The following ENTREP2 variants were observed in gnomAD, a reference collection of about 807,000 sequenced individuals.
ENTREP2 encodes the protein protein ENTREP2.
the ENTREP2 span, among the ~76,000 whole-genome samples, chr15:29,357,954 C>T: frequency 2.0e-5 from 3 of 151,926 alleles, no homozygotes; most frequent in East Asian, 5.8e-4. Flanking sequence ...GCAAACCTCT[C>T]AAGGCATGCC....
At chr15:29,349,768 C>T in the ENTREP2 span, among the ~76,000 whole-genome samples, 2 of 152,058 alleles carry the variant, frequency 1.3e-5, no homozygotes, top group Non-Finnish European at 2.9e-5. Context: ...CGTGGAGGCG[C>T]GTACCTGTAG....
chr15:29,222,535 T>A, the ENTREP2 span, among the ~76,000 whole-genome samples: 1 of 152,204 alleles, frequency 6.6e-6, no homozygotes, highest in Non-Finnish European at 1.5e-5. Context: ...TCGGTAACAC[T>A]GTCACCCTCC....
chr15:29,402,381 T>C, the ENTREP2 span, among the ~76,000 whole-genome samples: 1 of 151,742 alleles, frequency 6.6e-6, no homozygotes, highest in African/African-American at 2.4e-5. Context: ...AGTGGCATGA[T>C]CACAGCTCAC....
At chr15:29,666,185 T>C in the ENTREP2 span, among the ~76,000 whole-genome samples, 1,256 of 152,142 alleles carry the variant, frequency 8.3e-3, 11 homozygotes, top group Middle Eastern at 0.017. Flanking sequence ...AAAAAAATTA[T>C]TTATACACTT....
At chr15:29,660,227 C>A in the ENTREP2 span, among the ~76,000 whole-genome samples, 26 of 151,482 alleles carry the variant, frequency 1.7e-4, no homozygotes, top group Non-Finnish European at 2.1e-4. Context: ...TCAAATGTGC[C>A]CCCTCCAAAA....
chr15:29,157,714 A>T, the ENTREP2 span, among the ~76,000 whole-genome samples: 1 of 148,010 alleles, frequency 6.8e-6, no homozygotes, highest in African/African-American at 2.5e-5. Context: ...TCAAAGTTAT[A>T]ACTAAAATAG....
the ENTREP2 span, among the ~76,000 whole-genome samples, chr15:29,531,901 G>A: frequency 6.6e-6 from 1 of 152,156 alleles, no homozygotes; most frequent in African/African-American, 2.4e-5. Context: ...CCTGACCTCA[G>A]GTGATCCACC....
the ENTREP2 span, among the ~76,000 whole-genome samples, chr15:29,294,444 G>C: frequency 6.6e-6 from 1 of 152,324 alleles, no homozygotes; most frequent in Non-Finnish European, 1.5e-5. Context: ...TCAGCAGTGG[G>C]ATGAGTAGGG....
the ENTREP2 span, chr15:29,234,541 A>G: frequency 1.4e-6 from 2 of 1,386,202 alleles, no homozygotes; most frequent in Non-Finnish European, 2.1e-6. Flanking sequence ...TTGGTGGGCA[A>G]ATAGCAACAG....
At chr15:29,657,532 TTC>T in the ENTREP2 span, among the ~76,000 whole-genome samples, 1 of 140,262 alleles carries the variant, frequency 7.1e-6, no homozygotes, top group Non-Finnish European at 1.5e-5. Flanking sequence ...CCCACCCATA[TTC>T]TGTTTCTGTC....
the ENTREP2 span, among the ~76,000 whole-genome samples, chr15:29,455,802 C>T: frequency 6.6e-6 from 1 of 152,178 alleles, no homozygotes; most frequent in Non-Finnish European, 1.5e-5. Context: ...AGCTTTGCCT[C>T]CTGTCAGATC....
chr15:29,230,963 TG>T, the ENTREP2 span, among the ~76,000 whole-genome samples: 6 of 152,066 alleles, frequency 3.9e-5, no homozygotes, highest in South Asian at 1.2e-3. Flanking sequence ...ATAGCCTGAG[TG>T]GATGTGAGAA....
At chr15:29,425,715 TTTG>T in the ENTREP2 span, among the ~76,000 whole-genome samples, 1 of 152,120 alleles carries the variant, frequency 6.6e-6, no homozygotes, top group Non-Finnish European at 1.5e-5. Context: ...TTTCTAATGA[TTTG>T]GAAATTATAT....
chr15:29,226,207 T>C, the ENTREP2 span, among the ~76,000 whole-genome samples: 2 of 152,206 alleles, frequency 1.3e-5, no homozygotes, highest in African/African-American at 4.8e-5. Flanking sequence ...CAGATAGATA[T>C]TTCTATGGAA....
the ENTREP2 span, among the ~76,000 whole-genome samples, chr15:29,434,452 C>T: frequency 6.6e-6 from 1 of 152,154 alleles, no homozygotes; most frequent in Admixed American, 6.5e-5. Context: ...CTCAGCATCC[C>T]TTCACCTGTT....
chr15:29,478,013 A>ATTT, the ENTREP2 span, among the ~76,000 whole-genome samples: 26 of 65,606 alleles, frequency 4.0e-4, no homozygotes, highest in Non-Finnish European at 5.1e-4. Context: ...ATATATATAT[A>ATTT]TATATATTTT....
the ENTREP2 span, among the ~76,000 whole-genome samples, chr15:29,222,022 G>C: frequency 3.3e-4 from 50 of 152,342 alleles, no homozygotes; most frequent in African/African-American, 1.1e-3. Context: ...GTTTGAACCA[G>C]AGTAACTCCA....
the ENTREP2 span, among the ~76,000 whole-genome samples, chr15:29,294,873 C>T: frequency 1.3e-5 from 2 of 152,168 alleles, no homozygotes; most frequent in African/African-American, 4.8e-5. Context: ...AATTTGGCAT[C>T]TTGGAAAGTG....
At chr15:29,444,204 AAGAAAG>A in the ENTREP2 span, among the ~76,000 whole-genome samples, 54 of 147,690 alleles carry the variant, frequency 3.7e-4, no homozygotes, top group Middle Eastern at 6.8e-3. Context: ...GAAAGAAAGA[AAGAAAG>A]AAAGAAAGAA....
Sources: gnomAD v4.1 joint callset for allele counts (sites outside exome capture counted in the v4.1 genomes callset) on GRCh38, gnomAD v4.1.1 for gene constraint, MANE v1.5 for transcripts, NCBI Gene and HGNC (gene_info 2026-07-23, HGNC 2026-07-21) for gene names.